Variants in GRTP1 observed in about 807,000 individuals in gnomAD.
The protein encoded by GRTP1 is growth hormone regulated TBC protein 1.
Under a neutral mutation model 38.1 loss-of-function variants are expected in GRTP1, and 56 were observed. The ratio of observed to expected loss-of-function variants is 1.47; its 90% CI spans 1.19 to 1.84. GRTP1 has a LOEUF of 1.84. Among genes scored for constraint, GRTP1 ranks in the 40% most tolerant of loss-of-function variants. GRTP1 has a pLI of 0.00. For missense variants in GRTP1, 506 were observed against 453.9 expected (o/e 1.11, Z -1.04); for synonymous variants, 217 against 189.5 (o/e 1.14, Z -1.19).
rs1555315313 is a variant in GRTP1, at chr13:113,336,307, T to TGTTTTTG, written c.562+8555_562+8556insCAAAAAC. ...CAGTGGGAATAAGGTAGTTTTTTTT[T>TGTTTTTG]TTTTTTTTAAGGCAAAATAGGTACT... is the stretch of plus-strand genomic sequence containing the variant. On this transcript the variant is annotated intron_variant, in intron 5 of 7. Coordinates refer to ENST00000375431, the MANE Select transcript of GRTP1 (RefSeq NM_024719.4). Among the ~76,000 whole-genome samples the TGTTTTTG allele has an allele frequency of 9.6e-4, 137 of 142,932 alleles. 1 individual carries two copies. Among genetic ancestry groups the TGTTTTTG allele is most frequent in the Middle Eastern group, 3.6e-3 (1 of 274 alleles). 93.8% of individuals were successfully genotyped at this position (142,932 alleles called of 152,430 possible).
chr13:113,352,337 T>TTATA (rs369351829), intron 3 of GRTP1, among the ~76,000 whole-genome samples: 3,291 of 51,444 alleles, frequency 0.064, 139 homozygotes, highest in Non-Finnish European at 0.091. Context: ...TATATATATT[T>TTATA]TATATATATA....
At position 113,324,448 on chromosome 13, in the gene GRTP1, T is replaced by C. The variant is rs1255375367; in HGVS notation, c.*40A>G. On this transcript the variant is annotated 3_prime_UTR_variant, in exon 8 of 8. Transcript: ENST00000375431. Reference sequence around the variant, plus strand: ...CCAGTGTCAACTCTGGAAAGGGGCATCGTCAGTGTAGAGACGAGCAACGCA... The same window carrying C: ...CCAGTGTCAACTCTGGAAAGGGGCACCGTCAGTGTAGAGACGAGCAACGCA... 4 of 1,516,850 alleles carry C rather than the reference T, an allele frequency of 2.6e-6. No individual in the cohort carries two copies. The highest frequency in any genetic ancestry group is 3.5e-6 in the Non-Finnish European group (4 of 1,129,884). The allele number at this position is 1,516,850 out of a possible 1,614,324, so 94.0% of individuals were successfully genotyped here. A position where few individuals can be genotyped will look rare whatever the true frequency, so the allele number is the denominator to read the frequency against.
chr13:113,335,301 T>C (rs1483907753), intron 5 of GRTP1, among the ~76,000 whole-genome samples: 8 of 151,920 alleles, frequency 5.3e-5, no homozygotes, highest in Non-Finnish European at 1.5e-5. Flanking sequence ...TGTGTGCCTG[T>C]AATCCCAGCT....
chr13:113,336,214 C>T (rs539093037), intron 5 of GRTP1, among the ~76,000 whole-genome samples: 6 of 152,172 alleles, frequency 3.9e-5, no homozygotes, highest in East Asian at 1.9e-4. Context: ...GGAGCAGTGC[C>T]GTGGCGAACG....
chr13:113,356,545 C>T (rs1489887652), intron 2 of GRTP1, among the ~76,000 whole-genome samples: 4 of 152,100 alleles, frequency 2.6e-5, no homozygotes, highest in Non-Finnish European at 4.4e-5. Context: ...GGATTACAGG[C>T]GTGAGCCACC....
chr13:113,360,498 G>A (rs1357616260), intron 2 of GRTP1, among the ~76,000 whole-genome samples: 4 of 152,206 alleles, frequency 2.6e-5, no homozygotes, highest in Middle Eastern at 3.2e-3. Flanking sequence ...GCAGGAAGAA[G>A]TGGTATTCCC....
At chr13:113,334,282 A>ACTGCTACCACC (rs55801264) in intron 5 of GRTP1, among the ~76,000 whole-genome samples, 1 of 144,936 alleles carries the variant, frequency 6.9e-6, no homozygotes. Context: ...CTGCCACGAC[A>ACTGCTACCACC]GCCTCCCGCC....
rs939683489 is a variant in GRTP1, at chr13:113,355,627, C to G, written c.182-146G>C. ...AGAACTTCGTCCATCTCCACCAAAA[C>G]TGGTACATATACTCCTTTAAAAATT... On this transcript the variant is annotated intron_variant, in intron 2 of 7. Coordinates refer to ENST00000375431, the MANE Select transcript of GRTP1 (RefSeq NM_024719.4). The G allele has an allele frequency of 1.6e-5, 15 of 947,432 alleles. No individual in the cohort carries two copies. The East Asian group carries it at 3.3e-4, about 21-fold the overall frequency. 58.7% of individuals were successfully genotyped at this position (947,432 alleles called of 1,614,324 possible). A position where few individuals can be genotyped will look rare whatever the true frequency, so the allele number is the denominator to read the frequency against.
In GRTP1 at chr13:113,338,168, C is replaced by T. The variant is rs368945007; in HGVS notation, c.562+6695G>A. On this transcript the variant is annotated intron_variant, in intron 5 of 7. Coordinates refer to ENST00000375431, the MANE Select transcript of GRTP1 (RefSeq NM_024719.4). ...CTGAGGAGGCCCGGGACCCATCGCC[C>T]GCCCGGGGAGCGGCGTCTGCACCTT... Among the ~76,000 whole-genome samples the T allele has an allele frequency of 2.2e-3, 342 of 152,310 alleles. 2 individuals are homozygous for T. The highest frequency in any genetic ancestry group is 7.3e-3 in the African/African-American group (305 of 41,584).
Position 113,348,009 on chromosome 13 carries a change from C to A in GRTP1, c.465+2840G>T, listed in dbSNP as rs1034156237. Among the ~76,000 whole-genome samples the A allele has an allele frequency of 1.3e-5, 2 of 150,198 alleles. No homozygotes were observed. The highest frequency in any genetic ancestry group is 2.5e-5 in the African/African-American group (1 of 40,578). ...ACCTGGGAGGACCTGTGTGGCTGAG[C>A]GGACCTGGGAGGACCTGTCTGGCCG... On this transcript the variant is annotated intron_variant, in intron 4 of 7. Coordinates refer to ENST00000375431, the MANE Select transcript of GRTP1 (RefSeq NM_024719.4). The surrounding 1 kb of genome is among the most constrained non-coding windows in gnomAD (Gnocchi z 4.8).
intron 3 of GRTP1, among the ~76,000 whole-genome samples, chr13:113,352,400 G>T (rs1348426343): frequency 1.9e-5 from 1 of 51,426 alleles, no homozygotes; most frequent in South Asian, 7.0e-4. Flanking sequence ...TTAACACAGG[G>T]TCTCACTCTG....
chr13:113,351,874 C>T (rs2043273465), intron 3 of GRTP1: 1 of 152,258 alleles, frequency 6.6e-6, no homozygotes, highest in Non-Finnish European at 1.5e-5. Flanking sequence ...GATGGACTCA[C>T]AGCAGTCCCC....
At chr13:113,346,077 A>ACAGTGGACCCGGGAGGACCTCTGTG in intron 4 of GRTP1, among the ~76,000 whole-genome samples, 1 of 97,638 alleles carries the variant, frequency 1.0e-5, no homozygotes, top group African/African-American at 4.6e-5. Context: ...TCTGCGGCTG[A>ACAGTGGACCCGGGAGGACCTCTGTG]GCAGACCTGG....
At chr13:113,361,848 C>T (rs1595519543) in intron 2 of GRTP1, 2 of 152,150 alleles carry the variant, frequency 1.3e-5, no homozygotes, top group African/African-American at 4.8e-5. Context: ...AATTAAAAGA[C>T]AGTTAACTTT....
chr13:113,336,920 T>C (rs181242096), intron 5 of GRTP1, among the ~76,000 whole-genome samples: 23 of 152,328 alleles, frequency 1.5e-4, no homozygotes, highest in African/African-American at 5.3e-4. Context: ...GCAGAGAAGC[T>C]ACCAGGAAAT....
chr13:113,336,775 GCCCGCCTGGCGCTCAGCCCTAGAACT>G, intron 5 of GRTP1, among the ~76,000 whole-genome samples: 3 of 11,692 alleles, frequency 2.6e-4, no homozygotes, highest in Non-Finnish European at 3.5e-4. Flanking sequence ...CAGGCCAAGT[GCCCGCCTGGCGCTCAGCCCTAGAACT>G]GTACCAACCA....
chr13:113,344,190 T>A (rs1384884964), intron 5 of GRTP1, among the ~76,000 whole-genome samples: 1 of 152,112 alleles, frequency 6.6e-6, no homozygotes, highest in African/African-American at 2.4e-5. Flanking sequence ...CAAGATAGCC[T>A]CTCAGAGATT....
rs549499984 is a variant in GRTP1 at position 113,343,140 on chromosome 13, C to T, written c.562+1723G>A. 3.9e-4 allele frequency among the ~76,000 whole-genome samples: 60 copies of T among 152,284 alleles called. 1 individual carries two copies. Among genetic ancestry groups the T allele is most frequent in the South Asian group, 1.4e-3 (7 of 4,828 alleles). On this transcript the variant is annotated intron_variant, in intron 5 of 7. Coordinates refer to ENST00000375431, the MANE Select transcript of GRTP1 (RefSeq NM_024719.4). The surrounding 1 kb of genome is among the most constrained non-coding windows in gnomAD (Gnocchi z 4.8). ...TGCATGGCCCACGGCTGTGAAGATT[C>T]GCCATGATTTGCACTCAGACATAAC... is the stretch of plus-strand genomic sequence containing the variant.
At chr13:113,355,117 C>G (rs924810638) in intron 3 of GRTP1, 1 of 539,370 alleles carries the variant, frequency 1.9e-6, no homozygotes, top group Non-Finnish European at 3.3e-6. Flanking sequence ...CAGCTAGGCA[C>G]GTGAATATCT....
Sources: allele counts gnomAD v4.1 joint callset (sites outside exome capture counted in the v4.1 genomes callset), GRCh38; gene constraint gnomAD v4.1.1; non-coding constraint Gnocchi (gnomAD v3.1); transcripts MANE v1.5; gene names NCBI Gene and HGNC (gene_info 2026-07-23, HGNC 2026-07-21).